ACTG2: variants seen among roughly 807,000 people sequenced by gnomAD.
ACTG2 encodes the protein actin, gamma-enteric smooth muscle.
In ACTG2, 16 loss-of-function variants were observed where a neutral mutation model predicts 37.6. That is an observed-to-expected ratio of 0.43 (90% CI 0.29 to 0.65). The LOEUF (loss-of-function observed/expected upper bound fraction) is 0.65, where lower values mean the gene tolerates loss of function less well. Ranked by LOEUF, ACTG2 falls within the 30% of genes least tolerant of loss-of-function variation. The pLI, the probability that ACTG2 is intolerant of heterozygous loss-of-function variation, is 0.18. For synonymous variants in ACTG2, 181 were observed against 179.9 expected, an observed-to-expected ratio of 1.01 and a Z score of -0.05; for missense variants, 238 against 490.9, an observed-to-expected ratio of 0.48 and a Z score of 4.87.
At chr2:73,906,412 C>G (rs1302284578) in intron 3 of ACTG2, among the ~76,000 whole-genome samples, 1 of 151,998 alleles carries the variant, frequency 6.6e-6, no homozygotes, top group African/African-American at 2.4e-5. Context: ...GATGGCGCCA[C>G]TGTACTCCAG....
intron 1 of ACTG2, chr2:73,897,148 G>A (rs1219550333): frequency 2.6e-5 from 4 of 152,276 alleles, no homozygotes; most frequent in African/African-American, 9.6e-5. Context: ...AAGGGCTGCA[G>A]AACAGCGTTG....
rs1397791807 is a variant in ACTG2 at position 73,908,995 on chromosome 2, C to T, written c.367-60C>T. The T allele has an allele frequency of 1.1e-5, 17 of 1,513,742 alleles. 1 individual carries two copies. Among genetic ancestry groups the T allele is most frequent in the Admixed American group, 6.7e-5 (4 of 59,840 alleles). 93.8% of individuals were successfully genotyped at this position (1,513,742 alleles called of 1,614,324 possible). ...CTTAATGAGATTACAAACCATTCTA[C>T]AGGCCAAGAAGTGCTGTGATTTTTG... On this transcript the variant is annotated intron_variant, in intron 4 of 8. Coordinates refer to ENST00000345517, the MANE Select transcript of ACTG2 (RefSeq NM_001615.4).
intron 5 of ACTG2, among the ~76,000 whole-genome samples, chr2:73,912,333 T>C (rs1399425088): frequency 6.6e-6 from 1 of 152,208 alleles, no homozygotes; most frequent in Admixed American, 6.5e-5. Context: ...AATTTTTGTA[T>C]TTTTAGTAGC....
intron 5 of ACTG2, 56 bp downstream of exon 5, chr2:73,909,195 T>C (rs1680076726): frequency 6.6e-7 from 1 of 1,505,620 alleles, no homozygotes; most frequent in Admixed American, 1.7e-5. Flanking sequence ...AGGGAAAAGC[T>C]GGGGTCTGGC....
chr2:73,915,519 CAAAA>C (rs11404848), intron 7 of ACTG2, among the ~76,000 whole-genome samples: 3 of 117,562 alleles, frequency 2.6e-5, no homozygotes, highest in Non-Finnish European at 3.4e-5. Context: ...GATTCTGTCT[CAAAA>C]AAAAAAAAAA....
Position 73,904,739 on chromosome 2 carries a change from TTGTGTGTGTG to T in ACTG2, c.255+2281_255+2290del, listed in dbSNP as rs370499600. ...CATTTCATTATATATCTATAAATCA[TTGTGTGTGTG>T]TGTGTGTGTGTGTGTGTGTGTGTGT... is the stretch of plus-strand genomic sequence containing the variant. On this transcript the variant is annotated intron_variant, in intron 3 of 8. Transcript: ENST00000345517. Among the ~76,000 whole-genome samples, 257 of 103,700 alleles carry T rather than the reference TTGTGTGTGTG, an allele frequency of 2.5e-3. 4 individuals carry two copies. Among genetic ancestry groups the T allele is most frequent in the African/African-American group, 5.0e-3 (126 of 25,330 alleles). 68.0% of individuals were successfully genotyped at this position (103,700 alleles called of 152,430 possible). A position where few individuals can be genotyped will look rare whatever the true frequency, so the allele number is the denominator to read the frequency against.
chr2:73,902,420 C>T lies in ACTG2; in HGVS notation c.187C>T (p.Arg63Ter), dbSNP rs864309491. ...SYVGDEAQSKRGILTLKYPIE... is the reference protein window; with the variant it reads ...SYVGDEAQSK ...TGTGGGGGATGAGGCTCAGAGCAAG[C>T]GAGGGATCCTAACTCTCAAATACCC... is the stretch of plus-strand genomic sequence containing the variant. Residue 63 changes from arginine (R) to a stop codon, truncating the protein, a stop_gained, in exon 3 of 9, where the codon CGA becomes TGA. Transcript: ENST00000345517. LOFTEE classifies it high-confidence loss of function. The T allele has an allele frequency of 4.3e-6, 7 of 1,613,998 alleles. No individual in the cohort carries two copies. Among genetic ancestry groups the T allele is most frequent in the Non-Finnish European group, 5.9e-6 (7 of 1,179,992 alleles).
intron 1 of ACTG2, among the ~76,000 whole-genome samples, chr2:73,894,368 G>C (rs560945050): frequency 6.6e-6 from 1 of 152,312 alleles, no homozygotes; most frequent in Admixed American, 6.5e-5. Context: ...CTGTGACAGA[G>C]AGGGATGGGT....
intron 3 of ACTG2, chr2:73,902,751 G>C: frequency 1.3e-6 from 2 of 1,550,512 alleles, no homozygotes; most frequent in Non-Finnish European, 1.7e-6. Flanking sequence ...CTGCAAAACT[G>C]ATCTTTCTAA....
Position 73,908,658 on chromosome 2 carries a change from T to C in ACTG2, c.256-15T>C. The C allele has an allele frequency of 6.3e-7, 1 of 1,587,420 alleles. No individual in the cohort carries two copies. The highest frequency in any genetic ancestry group is 8.6e-7 in the Non-Finnish European group (1 of 1,166,468). ...TGGGAGTCTGCCAGGCTCATATGGC[T>C]TTTGTCTCCACTAGATCTGGCACCA... On this transcript the variant is annotated splice_polypyrimidine_tract_variant and intron_variant, in intron 3 of 8. Transcript: ENST00000345517.
intron 3 of ACTG2, chr2:73,908,444 G>T: frequency 3.2e-6 from 2 of 621,694 alleles, no homozygotes; most frequent in Non-Finnish European, 3.0e-6. Context: ...TGGAAATAAT[G>T]AACACATAGA....
At chr2:73,897,806 A>G (rs1679781749) in intron 1 of ACTG2, among the ~76,000 whole-genome samples, 1 of 152,196 alleles carries the variant, frequency 6.6e-6, no homozygotes, top group South Asian at 2.1e-4. Flanking sequence ...CCAAGGTGGC[A>G]CCTTGTTGCT....
At chr2:73,902,037 G>C (rs1048984392) in intron 2 of ACTG2, among the ~76,000 whole-genome samples, 3 of 102,488 alleles carry the variant, frequency 2.9e-5, no homozygotes, top group Admixed American at 1.1e-4. Context: ...GTGTGTGTGT[G>C]TGTCTGTGTG....
In ACTG2 at chr2:73,894,642, A is replaced by G. The variant is rs372279690; in HGVS notation, c.-37+1591A>G. 2.0e-4 allele frequency among the ~76,000 whole-genome samples: 30 copies of G among 152,320 alleles called. No individual in the cohort carries two copies. In the East Asian group the frequency reaches 5.4e-3, roughly 27 times the overall value. ...TAAGTACACGAAAGGGGTAAAGGCC[A>G]GGAGGAGCCCATCACTCAACCCAGG... On this transcript the variant is annotated intron_variant, in intron 1 of 8. Transcript: ENST00000345517.
At chr2:73,905,936 A>T (rs934367590) in intron 3 of ACTG2, among the ~76,000 whole-genome samples, 21 of 151,788 alleles carry the variant, frequency 1.4e-4, no homozygotes, top group African/African-American at 5.1e-4. Context: ...TCAAAAGTTT[A>T]AGTTTATCAA....
rs1680337831 is a variant in ACTG2 at position 73,919,610 on chromosome 2, C to T, written c.*35C>T. The T allele has an allele frequency of 6.2e-7, 1 of 1,605,050 alleles. No individual in the cohort carries two copies. The highest frequency in any genetic ancestry group is 1.7e-5 in the Admixed American group (1 of 58,824). Reference sequence around the variant, plus strand: ...AGGTTCTCCAAGGATCCCCTCGAGACTACTCTGTTACCAGTCATGAAACAT... The same window carrying T: ...AGGTTCTCCAAGGATCCCCTCGAGATTACTCTGTTACCAGTCATGAAACAT... On this transcript the variant is annotated 3_prime_UTR_variant, in exon 9 of 9. Transcript: ENST00000345517.
intron 4 of ACTG2, 45 bp downstream of exon 4, chr2:73,908,828 T>A: frequency 1.3e-6 from 2 of 1,497,318 alleles, no homozygotes; most frequent in South Asian, 2.3e-5. Flanking sequence ...GAATGCAACA[T>A]GGATGCTTGG....
chr2:73,901,264 G>C lies in ACTG2; in HGVS notation c.-36-12G>C, dbSNP rs1721241. 0.77 allele frequency: 1,159,130 copies of C among 1,500,930 alleles called. 450,845 individuals are homozygous for C. Among genetic ancestry groups the C allele is most frequent in the Admixed American group, 0.86 (40,077 of 46,652 alleles). The allele number at this position is 1,500,930 out of a possible 1,614,324, so 93.0% of individuals were successfully genotyped here. A position where few individuals can be genotyped will look rare whatever the true frequency, so the allele number is the denominator to read the frequency against. On this transcript the variant is annotated splice_polypyrimidine_tract_variant and intron_variant, in intron 1 of 8. Coordinates refer to ENST00000345517, the MANE Select transcript of ACTG2 (RefSeq NM_001615.4). ...AGTGGCTGACTAGTTCTCTTCTCCCGCAAATCCCAAGGTGCTCCAGTCCCC... is the reference window on the plus strand; with the variant it reads ...AGTGGCTGACTAGTTCTCTTCTCCCCCAAATCCCAAGGTGCTCCAGTCCCC...
intron 1 of ACTG2, among the ~76,000 whole-genome samples, chr2:73,898,788 T>C (rs1679807770): frequency 9.8e-6 from 1 of 102,326 alleles, no homozygotes; most frequent in African/African-American, 3.4e-5. Flanking sequence ...TCTTTTTTCT[T>C]TTCTTTTTTT....
Sources: allele counts gnomAD v4.1 joint callset (sites outside exome capture counted in the v4.1 genomes callset), GRCh38; gene constraint gnomAD v4.1.1; transcripts MANE v1.5; gene names NCBI Gene and HGNC (gene_info 2026-07-23, HGNC 2026-07-21).